The following SH3KBP1 variants were observed in gnomAD, a reference collection of about 807,000 sequenced individuals.
The protein encoded by SH3KBP1 is SH3 domain-containing kinase-binding protein 1.
A neutral mutation model predicts 50.1 loss-of-function variants in SH3KBP1; 8 were observed. That is an observed-to-expected ratio of 0.16 (90% CI 0.09 to 0.29). The LOEUF (loss-of-function observed/expected upper bound fraction) is 0.29, where lower values mean the gene tolerates loss of function less well. Among genes scored for constraint, SH3KBP1 ranks in the 10% least tolerant of loss-of-function variants. The pLI is 1.00. For synonymous variants in SH3KBP1, 227 were observed against 218.6 expected, an observed-to-expected ratio of 1.04 and a Z score of -0.34; for missense variants, 377 against 535.2, an observed-to-expected ratio of 0.70 and a Z score of 2.92.
At chrX:19,880,972 C>G (rs982515136) in intron 1 of SH3KBP1, among the ~76,000 whole-genome samples, 1 of 111,625 alleles carries the variant, frequency 9.0e-6, no homozygotes, top group Non-Finnish European at 1.9e-5. Context: ...GATATCGACC[C>G]GGTAAGATCC....
In SH3KBP1 at chrX:19,554,119, ATAT is replaced by A. The variant is rs1276305144; in HGVS notation, c.1385-4039_1385-4037del. On this transcript the variant is annotated intron_variant, in intron 13 of 17. Transcript: ENST00000397821. Reference sequence around the variant, plus strand: ...ATATTATATATCATATTAAAATATAATATTATATATCATATTAAAATATATTAT... The same window carrying A: ...ATATTATATATCATATTAAAATATAATATATATCATATTAAAATATATTAT... Among the ~76,000 whole-genome samples the A allele has an allele frequency of 1.0e-3, 59 of 58,363 alleles. 1 individual carries two copies. Among genetic ancestry groups the A allele is most frequent in the African/African-American group, 3.9e-3 (39 of 10,108 alleles). 50.7% of individuals were successfully genotyped at this position (58,363 alleles called of 115,157 possible).
chrX:19,797,443 C>A (rs2066749533), intron 2 of SH3KBP1, among the ~76,000 whole-genome samples: 1 of 111,837 alleles, frequency 8.9e-6, no homozygotes, highest in Non-Finnish European at 1.9e-5. Context: ...GGGAAGATGA[C>A]CCCGATGAGG....
chrX:19,864,594 A>G (rs1206022713), intron 1 of SH3KBP1, among the ~76,000 whole-genome samples: 3 of 111,796 alleles, frequency 2.7e-5, no homozygotes, highest in Non-Finnish European at 5.6e-5. Context: ...GGCTGCCTCT[A>G]GAAGATGGGA....
chrX:19,876,073 T>C (rs2069241864), intron 1 of SH3KBP1, among the ~76,000 whole-genome samples: 1 of 112,129 alleles, frequency 8.9e-6, no homozygotes, highest in Non-Finnish European at 1.9e-5. Context: ...CCCAGATGGG[T>C]TAAGGCCGGG....
At chrX:19,707,008 TAG>T (rs1394815747) in intron 3 of SH3KBP1, 24 bp from the exon 4 acceptor site, 1 of 1,115,173 alleles carries the variant, frequency 9.0e-7, no homozygotes, top group Admixed American at 2.2e-5. Context: ...GCAAAATATT[TAG>T]AGACAGCTCT....
At chrX:19,831,346 C>T (rs1482728194) in intron 2 of SH3KBP1, among the ~76,000 whole-genome samples, 4 of 102,351 alleles carry the variant, frequency 3.9e-5, no homozygotes, top group Admixed American at 1.1e-4. Context: ...GAGCCTAGAT[C>T]GACACTACAG....
intron 2 of SH3KBP1, among the ~76,000 whole-genome samples, chrX:19,822,902 A>G (rs2067567397): frequency 8.9e-6 from 1 of 112,179 alleles, no homozygotes; most frequent in African/African-American, 3.2e-5. Context: ...CATCTCTGTT[A>G]CTTAGAGGTC....
intron 1 of SH3KBP1, among the ~76,000 whole-genome samples, chrX:19,839,386 G>T (rs1471812123): frequency 7.6e-5 from 8 of 105,566 alleles, no homozygotes; most frequent in Non-Finnish European, 1.6e-4. Flanking sequence ...GCCCAGGCTG[G>T]AGTGCAGTGG....
In SH3KBP1 at chrX:19,654,873, T is replaced by C. The variant is rs141767468; in HGVS notation, c.727-9398A>G. On this transcript the variant is annotated intron_variant, in intron 6 of 17. Coordinates refer to ENST00000397821, the MANE Select transcript of SH3KBP1 (RefSeq NM_031892.3). ...TATCATGAAACATGCTGTACACATG[T>C]GGACTAAATCTTAATTTTCCCATGA... 5.5e-3 allele frequency among the ~76,000 whole-genome samples: 622 copies of C among 112,247 alleles called. 3 individuals are homozygous for C. Among genetic ancestry groups the C allele is most frequent in the Non-Finnish European group, 9.1e-3 (483 of 53,151 alleles).
intron 5 of SH3KBP1, among the ~76,000 whole-genome samples, chrX:19,691,556 C>T (rs1285582337): frequency 9.2e-6 from 1 of 108,182 alleles, no homozygotes; most frequent in African/African-American, 3.4e-5. Flanking sequence ...GCAAAAGCCA[C>T]GCTGTGAGAA....
chrX:19,673,366 A>T (rs764489262), intron 6 of SH3KBP1, among the ~76,000 whole-genome samples: 13 of 111,944 alleles, frequency 1.2e-4, no homozygotes, highest in African/African-American at 3.9e-4. Context: ...CAAATTTAAA[A>T]ATTGTCTCTA....
At chrX:19,771,942 A>G (rs2065803413) in intron 2 of SH3KBP1, among the ~76,000 whole-genome samples, 1 of 110,234 alleles carries the variant, frequency 9.1e-6, no homozygotes, top group Non-Finnish European at 1.9e-5. Context: ...AAAACTTCTT[A>G]TAAAACACCA....
intron 2 of SH3KBP1, among the ~76,000 whole-genome samples, chrX:19,821,771 C>T (rs1045571172): frequency 7.2e-5 from 8 of 111,706 alleles, no homozygotes; most frequent in Non-Finnish European, 1.3e-4. Flanking sequence ...CCTTGTGATC[C>T]GCCCATCTCA....
At chrX:19,673,667 C>T (rs1277544329) in intron 6 of SH3KBP1, among the ~76,000 whole-genome samples, 1 of 111,457 alleles carries the variant, frequency 9.0e-6, no homozygotes, top group East Asian at 2.8e-4. Context: ...AGTCCACATT[C>T]CTCAGCACCT....
chrX:19,806,471 G>A (rs554987546), intron 2 of SH3KBP1, among the ~76,000 whole-genome samples: 8 of 111,205 alleles, frequency 7.2e-5, no homozygotes, highest in Middle Eastern at 4.7e-3. Flanking sequence ...AGCCGAGTTC[G>A]CGCCACTGCA....
intron 1 of SH3KBP1, among the ~76,000 whole-genome samples, chrX:19,861,172 C>G (rs776838113): frequency 9.1e-6 from 1 of 110,117 alleles, no homozygotes; most frequent in Non-Finnish European, 1.9e-5. Context: ...GTCAGGAGAT[C>G]GAGACCATCC....
intron 3 of SH3KBP1, among the ~76,000 whole-genome samples, chrX:19,746,008 T>A (rs2064908964): frequency 8.9e-6 from 1 of 112,565 alleles, no homozygotes. Context: ...CACCACAGCA[T>A]TCTCTAAATT....
chrX:19,594,898 T>C (rs1221347626), intron 10 of SH3KBP1, 51 bp downstream of exon 10: 3 of 920,238 alleles, frequency 3.3e-6, no homozygotes, highest in Admixed American at 4.4e-5. Context: ...TTTGAATATA[T>C]GCAAAAAGAA....
intron 1 of SH3KBP1, among the ~76,000 whole-genome samples, chrX:19,839,674 C>T (rs941522343): frequency 8.9e-6 from 1 of 112,503 alleles, no homozygotes; most frequent in Admixed American, 9.4e-5. Flanking sequence ...TGCCTTCTGG[C>T]CACAGCTAGG....
Sources: allele counts gnomAD v4.1 joint callset (sites outside exome capture counted in the v4.1 genomes callset), GRCh38; gene constraint gnomAD v4.1.1; transcripts MANE v1.5; gene names NCBI Gene and HGNC (gene_info 2026-07-23, HGNC 2026-07-21).